Variants in HEATR5A observed in about 807,000 individuals in gnomAD.
The protein encoded by HEATR5A is HEAT repeat containing 5A.
In HEATR5A, 178 loss-of-function variants were observed where a neutral mutation model predicts 218.8. The ratio of observed to expected loss-of-function variants is 0.81; its 90% CI spans 0.72 to 0.92. The LOEUF (loss-of-function observed/expected upper bound fraction) is 0.92, where lower values mean the gene tolerates loss of function less well. HEATR5A is among the 40% of genes least tolerant of loss of function. The pLI, the probability that HEATR5A is intolerant of heterozygous loss-of-function variation, is 0.00. For synonymous variants in HEATR5A, 864 were observed against 871.6 expected (o/e 0.99, Z 0.15); for missense variants, 2,420 against 2,418.9 (o/e 1.00, Z -0.01).
intron 3 of HEATR5A, among the ~76,000 whole-genome samples, chr14:31,399,092 G>A (rs1454946410): frequency 1.3e-5 from 2 of 152,140 alleles, no homozygotes; most frequent in African/African-American, 4.8e-5. Context: ...TCAATTTTGA[G>A]TTAATTTTTT....
At position 31,293,611 on chromosome 14, in the gene HEATR5A, G is replaced by T; in HGVS notation, c.5835C>A (p.Arg1945=). 6.3e-7 allele frequency: 1 copy of T among 1,593,904 alleles called. No individual in the cohort carries two copies. The change falls in exon 36 of 36, where the codon CGC becomes CGA. Residue 1945 remains arginine, a splice_region_variant and synonymous_variant. Transcript: ENST00000543095. ...GCAAAAGACAGGCCACCAGCTGAGCGCCTAGAAAGTAAACAAATAATATAA... is the reference window on the plus strand; with the variant it reads ...GCAAAAGACAGGCCACCAGCTGAGCTCCTAGAAAGTAAACAAATAATATAA... ...TLVTVAEEHH[R]AQLVACLLPI... is the part of the protein sequence containing the mutation.
intron 13 of HEATR5A, among the ~76,000 whole-genome samples, chr14:31,366,352 T>G (rs1216194457): frequency 6.6e-6 from 1 of 152,206 alleles, no homozygotes; most frequent in Non-Finnish European, 1.5e-5. Flanking sequence ...CACTTTTATA[T>G]TTCTCTAAGG....
At chr14:31,411,031 A>C (rs2139322769) in intron 1 of HEATR5A, among the ~76,000 whole-genome samples, 1 of 152,328 alleles carries the variant, frequency 6.6e-6, no homozygotes, top group East Asian at 1.9e-4. Context: ...GTTCAAACCT[A>C]TGCATATTAA....
chr14:31,324,687 T>C (rs1000606751), intron 23 of HEATR5A, among the ~76,000 whole-genome samples: 40 of 149,652 alleles, frequency 2.7e-4, no homozygotes, highest in African/African-American at 9.2e-4. Context: ...TATTTTCTTT[T>C]TTTTTTTTTT....
chr14:31,363,018 T>C (rs536248709), intron 14 of HEATR5A, among the ~76,000 whole-genome samples: 177 of 151,854 alleles, frequency 1.2e-3, no homozygotes, highest in Middle Eastern at 6.8e-3. Context: ...GGATGGATCA[T>C]ATGAGGTAAG....
intron 21 of HEATR5A, 80 bp downstream of exon 21, chr14:31,343,816 G>T: frequency 8.5e-7 from 1 of 1,174,324 alleles, no homozygotes; most frequent in Non-Finnish European, 1.2e-6. Flanking sequence ...ATAGTCTAGA[G>T]TATAATTAAA....
chr14:31,294,888 T>C (rs1199263131), intron 34 of HEATR5A, among the ~76,000 whole-genome samples: 1 of 152,198 alleles, frequency 6.6e-6, no homozygotes, highest in Non-Finnish European at 1.5e-5. Flanking sequence ...TGGACCATAC[T>C]AATGTGTCAT....
intron 25 of HEATR5A, among the ~76,000 whole-genome samples, chr14:31,319,941 G>A (rs748442681): frequency 6.6e-6 from 1 of 152,034 alleles, no homozygotes; most frequent in South Asian, 2.1e-4. Context: ...AGCTACTTCA[G>A]GTTGCAGTGA....
chr14:31,369,502 T>C (rs955697240), intron 13 of HEATR5A, among the ~76,000 whole-genome samples: 1 of 138,034 alleles, frequency 7.2e-6, no homozygotes, highest in Non-Finnish European at 1.5e-5. Context: ...AATCCCTTAC[T>C]GGGGAGACCG....
At chr14:31,374,766 G>T (rs774130217) in intron 12 of HEATR5A, 50 bp downstream of exon 12, 3 of 1,530,154 alleles carry the variant, frequency 2.0e-6, no homozygotes, top group South Asian at 1.3e-5. Flanking sequence ...AAGACAAAGG[G>T]TGGGTAAAAA....
rs1008454902 is a variant in HEATR5A at position 31,292,498 on chromosome 14, A to C, written c.*807T>G. The C allele has an allele frequency of 2.0e-5, 3 of 152,200 alleles. No individual in the cohort carries two copies. The highest frequency in any genetic ancestry group is 4.4e-5 in the Non-Finnish European group (3 of 68,038). The allele number at this position is 152,200 out of a possible 1,614,324, so 9.4% of individuals were successfully genotyped here. ...ACTATTGTATACTGGATAATCCTAG[A>C]CCAGGTTTCCTAAATAGCTCTCCAA... On this transcript the variant is annotated 3_prime_UTR_variant, in exon 36 of 36. Transcript: ENST00000543095.
Position 31,335,359 on chromosome 14 carries a change from T to A in HEATR5A, c.3367+2117A>T, listed in dbSNP as rs188503587. Among the ~76,000 whole-genome samples the A allele has an allele frequency of 4.6e-5, 7 of 152,210 alleles. 1 individual carries two copies. The highest frequency in any genetic ancestry group is 1.9e-4 in the East Asian group (1 of 5,182). ...GTTGAAGCAAAAGTTTTTATTTTTT[T>A]TTTTTGTTAGAGACAAGGTCTCACT... On this transcript the variant is annotated intron_variant, in intron 22 of 35. Transcript: ENST00000543095.
At chr14:31,398,433 A>G (rs939788870) in intron 4 of HEATR5A, among the ~76,000 whole-genome samples, 1 of 152,200 alleles carries the variant, frequency 6.6e-6, no homozygotes, top group Non-Finnish European at 1.5e-5. Context: ...GGAATACGTT[A>G]GTTTTCGCCC....
intron 1 of HEATR5A, among the ~76,000 whole-genome samples, chr14:31,408,038 T>C (rs747269315): frequency 3.9e-5 from 6 of 152,226 alleles, no homozygotes; most frequent in Admixed American, 1.3e-4. Flanking sequence ...TATAAAGGTA[T>C]TTAAATGCTT....
intron 24 of HEATR5A, among the ~76,000 whole-genome samples, chr14:31,321,952 A>G (rs1900122083): frequency 6.6e-6 from 1 of 152,190 alleles, no homozygotes; most frequent in African/African-American, 2.4e-5. Context: ...AGTATCTTCA[A>G]TAAAATTTTG....
intron 22 of HEATR5A, among the ~76,000 whole-genome samples, chr14:31,333,354 T>A (rs1272395002): frequency 6.6e-6 from 1 of 152,002 alleles, no homozygotes; most frequent in Non-Finnish European, 1.5e-5. Flanking sequence ...GTTCAAGCTA[T>A]TCTCGTGCCT....
rs1411225509 is a variant in HEATR5A at position 31,387,134 on chromosome 14, A to G, written c.1175T>C (p.Leu392Pro). The change falls in exon 8 of 36, where the codon CTA (leucine) becomes CCA (proline). Residue 392 changes from leucine to proline, a missense_variant. Transcript: ENST00000543095. Reference sequence around the variant, plus strand: ...GAGATCCATACCCATAACTTTCTTTAGCTTCCAGATGGCCTGGCAAATATC... The same window carrying G: ...GAGATCCATACCCATAACTTTCTTTGGCTTCCAGATGGCCTGGCAAATATC... ...VKDICQAIWK[L>P]KKVMDAVMSD... 1.2e-6 allele frequency: 2 copies of G among 1,614,004 alleles called. No homozygotes were observed. The highest frequency in any genetic ancestry group is 1.7e-6 in the Non-Finnish European group (2 of 1,179,894).
rs1899608333 is a variant in HEATR5A at position 31,307,967 on chromosome 14, T to C, written c.4744A>G (p.Ile1582Val). Residue 1582 changes from isoleucine to valine, a missense_variant, in exon 30 of 36, where the codon ATA (isoleucine) becomes GTA (valine). Ile to Val is a conservative substitution (Grantham distance 29). Transcript: ENST00000543095. ...TGCAATGCATGTAAACAAGCAGTTATGCTTTCCATGGTTGCATCTGAACGT... is the reference window on the plus strand; with the variant it reads ...TGCAATGCATGTAAACAAGCAGTTACGCTTTCCATGGTTGCATCTGAACGT... ...SLRSDATMES[I>V]TACLHALQAL... The C allele has an allele frequency of 2.5e-6, 4 of 1,613,770 alleles. No individual in the cohort carries two copies. Among genetic ancestry groups the C allele is most frequent in the Non-Finnish European group, 2.5e-6 (3 of 1,179,814 alleles).
chr14:31,357,509 TGA>T (rs1247474256), intron 16 of HEATR5A, among the ~76,000 whole-genome samples: 1 of 152,032 alleles, frequency 6.6e-6, no homozygotes, highest in Middle Eastern at 3.2e-3. Context: ...CAATAGCCTA[TGA>T]GAGAGATTCA....
Sources: allele counts gnomAD v4.1 joint callset (sites outside exome capture counted in the v4.1 genomes callset), GRCh38; gene constraint gnomAD v4.1.1; transcripts MANE v1.5; gene names NCBI Gene and HGNC (gene_info 2026-07-23, HGNC 2026-07-21).